Variants in YY1AP1 observed in about 807,000 individuals in gnomAD.
The protein encoded by YY1AP1 is YY1-associated protein 1.
In YY1AP1, 43 loss-of-function variants were observed where a neutral mutation model predicts 39.9. The ratio of observed to expected loss-of-function variants is 1.08; its 90% CI spans 0.84 to 1.39. The LOEUF (loss-of-function observed/expected upper bound fraction) is 1.39. Ranked by LOEUF, YY1AP1 falls within the 40% of genes most tolerant of loss-of-function variation. The pLI, the probability that YY1AP1 is intolerant of heterozygous loss-of-function variation, is 0.00. For synonymous variants in YY1AP1, 292 were observed against 331.3 expected (o/e 0.88, Z 1.29); for missense variants, 813 against 900.7 (o/e 0.90, Z 1.25).
At chr1:155,661,094 T>C in intron 10 of YY1AP1, 181 bp from the exon 11 acceptor site, 1 of 1,489,604 alleles carries the variant, frequency 6.7e-7, no homozygotes, top group East Asian at 2.4e-5. Flanking sequence ...CTGAATTTCC[T>C]TTAGCAAATT....
In YY1AP1 at chr1:155,685,154, A is replaced by G. The variant is rs111233872; in HGVS notation, c.-21+2917T>C. 3.0e-4 allele frequency among the ~76,000 whole-genome samples: 45 copies of G among 152,364 alleles called. 1 individual carries two copies. The highest frequency in any genetic ancestry group is 1.0e-3 in the African/African-American group (43 of 41,590). On this transcript the variant is annotated intron_variant, in intron 2 of 10. Coordinates refer to ENST00000355499, the MANE Select transcript of YY1AP1 (RefSeq NM_139119.3). ...CAGATGATACAAAACATATTTTTTT[A>G]AAGTACAAAGTTCCATACAGAATAA...
At chr1:155,673,184 T>C (rs1227738487) in intron 6 of YY1AP1, among the ~76,000 whole-genome samples, 1 of 151,970 alleles carries the variant, frequency 6.6e-6, no homozygotes, top group Non-Finnish European at 1.5e-5. Context: ...CCTAGCTGAT[T>C]TTTGTATTTT....
At chr1:155,688,365 G>A (rs1292404865) in intron 1 of YY1AP1, 164 bp from the exon 2 acceptor site, 2 of 1,547,094 alleles carry the variant, frequency 1.3e-6, no homozygotes, top group Admixed American at 2.0e-5. Flanking sequence ...AGCTCCTCCA[G>A]AGGGAGGGAG....
Position 155,660,619 on chromosome 1 carries a change from T to C in YY1AP1, c.1291A>G (p.Lys431Glu). ...PSLQPSFNPG[K>E]TPAQSTHSEA... ...GAATGAGTTGATTGGGCTGGTGTTT[T>C]CCCAGGGTTGAAGCTGGGCTGGAGA... Residue 431 changes from lysine (K) to glutamate (E), a missense_variant, in exon 11 of 11, where the codon AAA (lysine) becomes GAA (glutamate). By Grantham distance (56) the Lys-to-Glu change is moderately conservative. Around this residue, in one of 3 missense-constraint regions of YY1AP1, gnomAD observed 586 missense variants for 647.4 expected, o/e 0.91. Coordinates refer to ENST00000355499, the MANE Select transcript of YY1AP1 (RefSeq NM_139119.3). 6.2e-7 allele frequency: 1 copy of C among 1,614,172 alleles called. No individual in the cohort carries two copies. Among genetic ancestry groups the C allele is most frequent in the Non-Finnish European group, 8.5e-7 (1 of 1,180,024 alleles).
At chr1:155,669,897 C>A (rs1209795423) in intron 8 of YY1AP1, among the ~76,000 whole-genome samples, 1 of 152,156 alleles carries the variant, frequency 6.6e-6, no homozygotes, top group Non-Finnish European at 1.5e-5. Flanking sequence ...GTGGCACACG[C>A]TTGTGGTCCC....
chr1:155,667,944 A>G (rs1186970287), intron 9 of YY1AP1, among the ~76,000 whole-genome samples: 1 of 149,246 alleles, frequency 6.7e-6, no homozygotes, highest in Non-Finnish European at 1.5e-5. Context: ...ACAGACACAG[A>G]CACACACAAA....
chr1:155,669,840 C>A (rs1044970895), intron 8 of YY1AP1, among the ~76,000 whole-genome samples: 2 of 152,020 alleles, frequency 1.3e-5, no homozygotes, highest in Non-Finnish European at 2.9e-5. Flanking sequence ...GCAGCCTGGG[C>A]AACACAGAGA....
At chr1:155,666,781 C>T (rs1649074739) in intron 9 of YY1AP1, among the ~76,000 whole-genome samples, 1 of 151,954 alleles carries the variant, frequency 6.6e-6, no homozygotes. Context: ...GGGCAGATCA[C>T]CTGAGATCAG....
At position 155,668,739 on chromosome 1, in the gene YY1AP1, T is replaced by C; in HGVS notation, c.767A>G (p.Glu256Gly). 1 of 1,614,168 alleles carries C rather than the reference T, an allele frequency of 6.2e-7. No individual in the cohort carries two copies. Among genetic ancestry groups the C allele is most frequent in the Non-Finnish European group, 8.5e-7 (1 of 1,180,020 alleles). Residue 256 changes from glutamate (E) to glycine (G), a missense_variant, in exon 9 of 11, where the codon GAG becomes GGG. Transcript: ENST00000355499. Reference protein sequence around the residue: ...ALGLKHFEGTEFLNPLISKYL... With the variant: ...ALGLKHFEGTGFLNPLISKYL... Reference sequence around the variant, plus strand: ...CTTGCTGATTAGAGGGTTAAGAAACTCAGTCCCTTCAAAATGCTTCAGTCC... The same window carrying C: ...CTTGCTGATTAGAGGGTTAAGAAACCCAGTCCCTTCAAAATGCTTCAGTCC...
In YY1AP1 at chr1:155,688,302, G is replaced by C. The variant is rs759436649; in HGVS notation, c.-151-101C>G. 9.6e-6 allele frequency: 15 copies of C among 1,567,218 alleles called. No individual in the cohort carries two copies. The South Asian group carries it at 1.6e-4, about 17-fold the overall frequency. On this transcript the variant is annotated intron_variant, in intron 1 of 10. Transcript: ENST00000355499. ...ACCGACACTGGGATCGTTTCCCCTC[G>C]CAAAGCGAACCCAAAATGGCGGCGG... is the stretch of plus-strand genomic sequence containing the variant.
chr1:155,685,864 C>G (rs563121176), intron 2 of YY1AP1, among the ~76,000 whole-genome samples: 4 of 152,086 alleles, frequency 2.6e-5, no homozygotes, highest in African/African-American at 9.7e-5. Flanking sequence ...ATCCGATTCT[C>G]TGAAGGATAA....
rs751570622 is a variant in YY1AP1 at position 155,670,342 on chromosome 1, G to C, written c.706C>G (p.Leu236Val). ...LKAKNPQDKI[L>V]FTKAEDNLLA... Reference sequence around the variant, plus strand: ...TACTTGTCCTCAGCCTTGGTGAAGAGGATCTTATCCTGGGGATTCTTTGCC... The same window carrying C: ...TACTTGTCCTCAGCCTTGGTGAAGACGATCTTATCCTGGGGATTCTTTGCC... Residue 236 changes from leucine to valine, a missense_variant, in exon 8 of 11, where the codon CTC becomes GTC. Leu to Val is a conservative substitution (Grantham distance 32, BLOSUM62 1). Transcript: ENST00000355499. The C allele has an allele frequency of 1.3e-5, 21 of 1,612,390 alleles. No individual in the cohort carries two copies. Among genetic ancestry groups the C allele is most frequent in the South Asian group, 5.5e-5 (5 of 91,016 alleles).
chr1:155,688,217 G>A lies in YY1AP1; in HGVS notation c.-151-16C>T. 3 of 1,613,724 alleles carry A rather than the reference G, an allele frequency of 1.9e-6. No homozygotes were observed. Among genetic ancestry groups the A allele is most frequent in the Non-Finnish European group, 2.5e-6 (3 of 1,179,880 alleles). Reference sequence around the variant, plus strand: ...GGTAAGCCGACTGGCGGAAATGCGAGAGAGGAGAAGGGAAAGGTGGAGGGC... The same window carrying A: ...GGTAAGCCGACTGGCGGAAATGCGAAAGAGGAGAAGGGAAAGGTGGAGGGC... On this transcript the variant is annotated splice_polypyrimidine_tract_variant and intron_variant, in intron 1 of 10. Coordinates refer to ENST00000355499, the MANE Select transcript of YY1AP1 (RefSeq NM_139119.3).
chr1:155,661,322 G>C lies in YY1AP1; in HGVS notation c.981C>G (p.Leu327=), dbSNP rs768954375. 79 of 1,613,742 alleles carry C rather than the reference G, an allele frequency of 4.9e-5. No homozygotes were observed. In the South Asian group the frequency reaches 6.9e-4, roughly 14 times the overall value. The change falls in exon 10 of 11, where the codon CTC becomes CTG. Residue 327 remains leucine (L), a synonymous_variant. Coordinates refer to ENST00000355499, the MANE Select transcript of YY1AP1 (RefSeq NM_139119.3). ...AGGGCTGTACCTTTAACCAGAATGG[G>C]AGCCGGTGTTCTTCTCTCTCTATAG... ...KPPIEREEHR[L]PFWLKASLPS... is the part of the protein sequence containing the mutation.
intron 4 of YY1AP1, among the ~76,000 whole-genome samples, chr1:155,678,010 T>C (rs1650967463): frequency 6.6e-6 from 1 of 152,186 alleles, no homozygotes; most frequent in Non-Finnish European, 1.5e-5. Context: ...GTATTTGCAA[T>C]CGAAAGAGAA....
chr1:155,664,124 G>A (rs1443967987), intron 9 of YY1AP1, among the ~76,000 whole-genome samples: 2 of 148,436 alleles, frequency 1.3e-5, no homozygotes, highest in African/African-American at 2.5e-5. Flanking sequence ...ACCCTGTCTC[G>A]GAAAAAAAAA....
intron 4 of YY1AP1, among the ~76,000 whole-genome samples, chr1:155,677,623 T>C (rs1200624543): frequency 6.6e-6 from 1 of 152,162 alleles, no homozygotes; most frequent in Non-Finnish European, 1.5e-5. Context: ...TTTTCAATAG[T>C]TTTTGCAGAT....
rs767162593 is a variant in YY1AP1, at chr1:155,659,797, T to C, written c.2113A>G (p.Thr705Ala). The C allele has an allele frequency of 1.1e-5, 17 of 1,614,086 alleles. No homozygotes were observed. ...TCCAGAGCTTGCCTTCCCTCCTCTG[T>C]TTTCACAACGGTCCAGCGATAGGCA... ...NSAYRWTVVK[T>A]EEGRQALEPL... The change falls in exon 11 of 11, where the codon ACA becomes GCA. Residue 705 changes from threonine (T) to alanine (A), a missense_variant. Around this residue, in one of 3 missense-constraint regions of YY1AP1, gnomAD observed 586 missense variants for 647.4 expected, o/e 0.91. Coordinates refer to ENST00000355499, the MANE Select transcript of YY1AP1 (RefSeq NM_139119.3).
In YY1AP1 at chr1:155,661,357, A is replaced by C. The variant is rs986156138; in HGVS notation, c.946T>G (p.Trp316Gly). The change falls in exon 10 of 11, where the codon TGG becomes GGG. Residue 316 changes from tryptophan to glycine, a missense_variant. Coordinates refer to ENST00000355499, the MANE Select transcript of YY1AP1 (RefSeq NM_139119.3). Reference sequence around the variant, plus strand: ...TCTTCTCTCTCTATAGGTGGCTTCCACTGATGTGGCTGGATCTCTTCACAG... The same window carrying C: ...TCTTCTCTCTCTATAGGTGGCTTCCCCTGATGTGGCTGGATCTCTTCACAG... ...KCCEEIQPHQ[W>G]KPPIEREEHR... 6.2e-7 allele frequency: 1 copy of C among 1,613,756 alleles called. No homozygotes were observed. Among genetic ancestry groups the C allele is most frequent in the African/African-American group, 1.3e-5 (1 of 74,906 alleles).
Sources: allele counts gnomAD v4.1 joint callset (sites outside exome capture counted in the v4.1 genomes callset), GRCh38; gene constraint gnomAD v4.1.1; regional missense constraint gnomAD v4.1.1; transcripts MANE v1.5; gene names NCBI Gene and HGNC (gene_info 2026-07-23, HGNC 2026-07-21).